CFAP263: variants seen among roughly 807,000 people sequenced by gnomAD.
CFAP263 encodes the protein cilia and flagella associated protein 263.
chr16:58,269,148 C>T, the CFAP263 span, among the ~76,000 whole-genome samples: 1 of 152,042 alleles, frequency 6.6e-6, no homozygotes, highest in Non-Finnish European at 1.5e-5. Flanking sequence ...GCCTGGCCAA[C>T]ATGGTGAAAC....
the CFAP263 span, chr16:58,280,644 C>T: frequency 3.7e-6 from 6 of 1,614,176 alleles, no homozygotes; most frequent in South Asian, 6.6e-5. Context: ...AGTCTTCCAC[C>T]TTGGTGTACA....
At chr16:58,275,977 T>C in the CFAP263 span, among the ~76,000 whole-genome samples, 1 of 152,194 alleles carries the variant, frequency 6.6e-6, no homozygotes, top group Non-Finnish European at 1.5e-5. Context: ...AAGTGAGTTA[T>C]ATAAAAATGA....
At chr16:58,280,375 G>C in the CFAP263 span, 1 of 1,614,144 alleles carries the variant, frequency 6.2e-7, no homozygotes, top group East Asian at 2.2e-5. Context: ...CGCCTCAGGA[G>C]ACCTGCCTGA....
At chr16:58,255,682 C>A in the CFAP263 span, among the ~76,000 whole-genome samples, 1 of 151,978 alleles carries the variant, frequency 6.6e-6, no homozygotes, top group African/African-American at 2.4e-5. Context: ...CCTCAGCCTC[C>A]CGAGTAGCTG....
the CFAP263 span, among the ~76,000 whole-genome samples, chr16:58,261,775 G>T: frequency 2.0e-5 from 3 of 152,328 alleles, no homozygotes; most frequent in African/African-American, 7.2e-5. Flanking sequence ...CAGTTCCCAA[G>T]TTGGGCTGTT....
chr16:58,269,169 T>C, the CFAP263 span, among the ~76,000 whole-genome samples: 1 of 151,794 alleles, frequency 6.6e-6, no homozygotes, highest in Non-Finnish European at 1.5e-5. Flanking sequence ...CCCGCCCTAC[T>C]AAAAATAAAA....
At chr16:58,273,318 A>C in the CFAP263 span, among the ~76,000 whole-genome samples, 2 of 152,030 alleles carry the variant, frequency 1.3e-5, no homozygotes, top group African/African-American at 4.8e-5. Context: ...CATTACCTGT[A>C]TGTTGGTACA....
the CFAP263 span, among the ~76,000 whole-genome samples, chr16:58,268,713 G>A: frequency 1.3e-5 from 2 of 152,090 alleles, no homozygotes; most frequent in Non-Finnish European, 2.9e-5. Context: ...AGTAGCAAAG[G>A]TAAAGCAAAA....
the CFAP263 span, among the ~76,000 whole-genome samples, chr16:58,263,424 T>C: frequency 2.0e-5 from 3 of 152,322 alleles, no homozygotes; most frequent in East Asian, 5.8e-4. Flanking sequence ...TTTTTTCTCT[T>C]GTTAATATAA....
chr16:58,254,843 G>A, the CFAP263 span, among the ~76,000 whole-genome samples: 1 of 152,058 alleles, frequency 6.6e-6, no homozygotes, highest in Non-Finnish European at 1.5e-5. Context: ...CTGACCTCAT[G>A]ATCCGCCTGC....
At chr16:58,268,733 C>G in the CFAP263 span, among the ~76,000 whole-genome samples, 1 of 152,170 alleles carries the variant, frequency 6.6e-6, no homozygotes, top group East Asian at 1.9e-4. Flanking sequence ...AACCTGTGAA[C>G]TCTCTTAATG....
At chr16:58,261,617 C>G in the CFAP263 span, among the ~76,000 whole-genome samples, 1 of 152,200 alleles carries the variant, frequency 6.6e-6, no homozygotes, top group African/African-American at 2.4e-5. Context: ...GGATCACCCT[C>G]TGGTGTGGAA....
the CFAP263 span, chr16:58,250,382 T>C: frequency 2.6e-6 from 1 of 391,586 alleles, no homozygotes; most frequent in Non-Finnish European, 4.6e-6. Flanking sequence ...GAGGAGTCTC[T>C]CTCATGCCAG....
At chr16:58,280,935 A>G in the CFAP263 span, 1 of 594,064 alleles carries the variant, frequency 1.7e-6, no homozygotes, top group East Asian at 2.8e-5. Flanking sequence ...TTCCAACAAG[A>G]TGACTTTTCC....
At chr16:58,266,544 T>G in the CFAP263 span, among the ~76,000 whole-genome samples, 2 of 151,772 alleles carry the variant, frequency 1.3e-5, no homozygotes, top group Non-Finnish European at 2.9e-5. Context: ...CTGTCCGGGC[T>G]GTGAGCCAGC....
At chr16:58,266,186 T>C in the CFAP263 span, among the ~76,000 whole-genome samples, 1 of 151,658 alleles carries the variant, frequency 6.6e-6, no homozygotes. Flanking sequence ...GGCTCCTCTG[T>C]TTTGACACCC....
chr16:58,279,752 A>C, the CFAP263 span: 2 of 1,613,314 alleles, frequency 1.2e-6, no homozygotes, highest in South Asian at 1.1e-5. Flanking sequence ...GAGCAGTTGC[A>C]GGCAGATTAC....
chr16:58,257,755 T>C, the CFAP263 span, among the ~76,000 whole-genome samples: 1 of 152,172 alleles, frequency 6.6e-6, no homozygotes, highest in Non-Finnish European at 1.5e-5. Context: ...TGTTTTGATG[T>C]ATATCCTTCC....
chr16:58,274,282 A>G, the CFAP263 span, among the ~76,000 whole-genome samples: 4 of 152,324 alleles, frequency 2.6e-5, no homozygotes, highest in African/African-American at 9.6e-5. Context: ...TGCTACTAAC[A>G]TTATGGAACT....
Sources: allele counts gnomAD v4.1 joint callset (sites outside exome capture counted in the v4.1 genomes callset), GRCh38; gene constraint gnomAD v4.1.1; transcripts MANE v1.5; gene names NCBI Gene and HGNC (gene_info 2026-07-23, HGNC 2026-07-21).